The following TMEM63A variants were observed in gnomAD, a reference collection of about 807,000 sequenced individuals.
The protein encoded by TMEM63A is transmembrane protein 63A.
Under a neutral mutation model 100.6 loss-of-function variants are expected in TMEM63A, and 76 were observed. The observed-to-expected ratio is 0.76, with a 90% CI of 0.63 to 0.91. The LOEUF (loss-of-function observed/expected upper bound fraction) is 0.91, where lower values mean the gene tolerates loss of function less well. TMEM63A is among the 40% of genes least tolerant of loss of function. The probability of loss-of-function intolerance (pLI) is 0.00; values close to 1 mark genes in which losing one functional copy is unlikely to be tolerated. For missense variants in TMEM63A, 876 were observed against 1,008.8 expected, an observed-to-expected ratio of 0.87 and a Z score of 1.78; for synonymous variants, 401 against 401.1, an observed-to-expected ratio of 1.00 and a Z score of 0.00.
In TMEM63A at chr1:225,868,030, A is replaced by G; in HGVS notation, c.372T>C (p.His124=). 1 of 1,614,184 alleles carries G rather than the reference A, an allele frequency of 6.2e-7. No homozygotes were observed. The highest frequency in any genetic ancestry group is 8.5e-7 in the Non-Finnish European group (1 of 1,180,006). ...CPWLTAIFRL[H]DDQILEWCGE... ...CACACCATTCCAGGATCTGGTCATC[A>G]CTGGCCAAGACACAGAGGAATCTTA... The change falls in exon 7 of 25, where the codon CAT becomes CAC. Residue 124 remains histidine, a splice_region_variant and synonymous_variant. Coordinates refer to ENST00000366835, the MANE Select transcript of TMEM63A (RefSeq NM_014698.3).
At chr1:225,848,421 T>A in intron 23 of TMEM63A, 71 bp downstream of exon 23, 1 of 1,520,678 alleles carries the variant, frequency 6.6e-7, no homozygotes, top group Non-Finnish European at 9.0e-7. Context: ...CCGGGGCCCA[T>A]CTGGTTGGGA....
chr1:225,860,881 G>A lies in TMEM63A; in HGVS notation c.1202C>T (p.Ala401Val), dbSNP rs919882812. 6.2e-7 allele frequency: 1 copy of A among 1,610,878 alleles called. No homozygotes were observed. Among genetic ancestry groups the A allele is most frequent in the South Asian group, 1.1e-5 (1 of 90,524 alleles). Residue 401 changes from alanine to valine, a missense_variant, in exon 14 of 25, where the codon GCT becomes GTT. This residue lies in a region of TMEM63A where 487 missense variants were observed against 581.9 expected (regional missense o/e 0.84). Transcript: ENST00000366835. ...TTACCAGCAGATGTCCTCAGGGTCAGCAGCAAAGGTGACTGTCCACTTGGA... is the reference window on the plus strand; with the variant it reads ...TTACCAGCAGATGTCCTCAGGGTCAACAGCAAAGGTGACTGTCCACTTGGA... ...YTSKWTVTFA[A>V]DPEDICWKNL...
chr1:225,842,897 G>A (rs1248386121), downstream of TMEM63A, among the ~76,000 whole-genome samples: 1 of 152,196 alleles, frequency 6.6e-6, no homozygotes, highest in African/African-American at 2.4e-5. Flanking sequence ...TAATCTCTCA[G>A]AGCCTTAGAG....
chr1:225,877,398 G>C lies in TMEM63A; in HGVS notation c.183C>G (p.Phe61Leu). The C allele has an allele frequency of 6.2e-7, 1 of 1,611,336 alleles. No individual in the cohort carries two copies. Among genetic ancestry groups the C allele is most frequent in the Non-Finnish European group, 8.5e-7 (1 of 1,177,784 alleles). The stretch of plus-strand genomic sequence containing the variant: ...CACGACTCATGAGGGCTCTCACCAG[G>C]AAGCAGCTGACGTCTATGAGCAGGA... ...PTVLLIDVSCFLFLILVFSII... is the reference protein window; with the variant it reads ...PTVLLIDVSCLLFLILVFSII... Residue 61 changes from phenylalanine to leucine, a missense_variant, in exon 3 of 25, where the codon TTC (phenylalanine) becomes TTG (leucine). By Grantham distance (22) the Phe-to-Leu change is conservative. Transcript: ENST00000366835.
rs557151270 is a variant in TMEM63A, at chr1:225,862,748, T to C, written c.827+23A>G. On this transcript the variant is annotated intron_variant, in intron 11 of 24. Coordinates refer to ENST00000366835, the MANE Select transcript of TMEM63A (RefSeq NM_014698.3). The surrounding 1 kb of genome is among the most constrained non-coding windows in gnomAD (Gnocchi z 5.1). ...GCCAGCAAGGAAGGAGGGGGCATCT[T>C]GCAAGGCCCGCCCACCACTCACTTC... is the stretch of plus-strand genomic sequence containing the variant. 4.3e-6 allele frequency: 7 copies of C among 1,613,842 alleles called. No homozygotes were observed. The African/African-American group carries it at 9.3e-5, about 22-fold the overall frequency.
chr1:225,867,042 C>T lies in TMEM63A; in HGVS notation c.566+70G>A. ...CCCCTTTGGAGTACCTCTGGCCTGC[C>T]CCGGGCTCCTGACCTGCCTTCTCCT... On this transcript the variant is annotated intron_variant, in intron 8 of 24. Transcript: ENST00000366835. This position sits in a 1 kb window ranked among gnomAD's most constrained non-coding sequence, Gnocchi z 4.6. 1 of 1,556,702 alleles carries T rather than the reference C, an allele frequency of 6.4e-7. No homozygotes were observed. Among genetic ancestry groups the T allele is most frequent in the Non-Finnish European group, 8.9e-7 (1 of 1,128,050 alleles).
At chr1:225,856,146 C>T (rs934564039) in intron 17 of TMEM63A, among the ~76,000 whole-genome samples, 2 of 151,978 alleles carry the variant, frequency 1.3e-5, no homozygotes, top group African/African-American at 4.8e-5. Flanking sequence ...CATGATGAGG[C>T]CTTCCCTAAG....
At chr1:225,859,647 C>CGG in intron 14 of TMEM63A, 1 of 335,764 alleles carries the variant, frequency 3.0e-6, no homozygotes. Flanking sequence ...TTTTCTTTTT[C>CGG]TGTTTTTTTT....
chr1:225,853,717 A>G lies in TMEM63A; in HGVS notation c.1709T>C (p.Met570Thr), dbSNP rs146699794. 5.6e-6 allele frequency: 9 copies of G among 1,600,978 alleles called. No homozygotes were observed. The African/African-American group carries it at 8.0e-5, about 14-fold the overall frequency. The change falls in exon 19 of 25, where the codon ATG becomes ACG. Residue 570 changes from methionine to threonine, a missense_variant. Around this residue, in one of 5 missense-constraint regions of TMEM63A, gnomAD observed 339 missense variants for 342.3 expected, o/e 0.99. Coordinates refer to ENST00000366835, the MANE Select transcript of TMEM63A (RefSeq NM_014698.3). The surrounding 1 kb of genome is among the most constrained non-coding windows in gnomAD (Gnocchi z 4.0). The stretch of plus-strand genomic sequence containing the variant: ...GAGACCTGGCAGCCGCAGCAGCTCC[A>G]TGCCATTGCCGATGAAGGCCGAGGC... ...VIASAFIGNG[M>T]ELLRLPGLIL...
chr1:225,857,395 G>GGGGGGGGGGGGGGGGGGGGGGT (rs1669692294), intron 15 of TMEM63A, among the ~76,000 whole-genome samples: 1 of 124,270 alleles, frequency 8.0e-6, no homozygotes, highest in African/African-American at 3.7e-5. Context: ...GGGGGGGGGG[G>GGGGGGGGGGGGGGGGGGGGGGT]GGTGCCCTGC....
chr1:225,871,817 C>T (rs1670520294), intron 5 of TMEM63A, 170 bp downstream of exon 5: 2 of 592,618 alleles, frequency 3.4e-6, no homozygotes, highest in African/African-American at 1.9e-5. Context: ...CCCGGGTCAT[C>T]CAGCTGCCAT....
chr1:225,866,606 T>C lies in TMEM63A; in HGVS notation c.643A>G (p.Thr215Ala), dbSNP rs761380197. The part of the protein sequence containing the change: ...FLTVGFMRHH[T>A]QSIKYKEENL... ...TCCTCTTTGTACTTAATGGACTGAGTGTGGTGCCGCATGAAACCCACAGTG... is the reference window on the plus strand; with the variant it reads ...TCCTCTTTGTACTTAATGGACTGAGCGTGGTGCCGCATGAAACCCACAGTG... Residue 215 changes from threonine to alanine, a missense_variant, in exon 9 of 25, where the codon ACT becomes GCT. By Grantham distance (58) the Thr-to-Ala change is moderately conservative. Coordinates refer to ENST00000366835, the MANE Select transcript of TMEM63A (RefSeq NM_014698.3). 17 of 1,613,850 alleles carry C rather than the reference T, an allele frequency of 1.1e-5. No individual in the cohort carries two copies. In the South Asian group the frequency reaches 1.8e-4, roughly 17 times the overall value.
At chr1:225,850,238 A>G (rs565305563) in intron 20 of TMEM63A, among the ~76,000 whole-genome samples, 159 bp from the exon 21 acceptor site, 46 of 152,238 alleles carry the variant, frequency 3.0e-4, no homozygotes, top group Non-Finnish European at 5.4e-4. Flanking sequence ...TCTGGCTACT[A>G]GTTTTTTTTC....
Position 225,846,984 on chromosome 1 carries a change from G to A in TMEM63A, c.*6+50C>T, listed in dbSNP as rs552430343. Reference sequence around the variant, plus strand: ...ACTTGGGAGTCAGGCCGCTTCACCTGTCTTCTCACCCCACAGGCTCCCCTG... The same window carrying A: ...ACTTGGGAGTCAGGCCGCTTCACCTATCTTCTCACCCCACAGGCTCCCCTG... On this transcript the variant is annotated intron_variant, in intron 24 of 24. Coordinates refer to ENST00000366835, the MANE Select transcript of TMEM63A (RefSeq NM_014698.3). 3.9e-5 allele frequency: 60 copies of A among 1,545,090 alleles called. 1 individual carries two copies. In the Admixed American group the frequency reaches 1.2e-3, roughly 31 times the overall value.
intron 3 of TMEM63A, 28 bp from the exon 4 acceptor site, chr1:225,874,395 A>C: frequency 1.3e-6 from 2 of 1,598,908 alleles, no homozygotes; most frequent in Non-Finnish European, 1.7e-6. Flanking sequence ...ACCAAGTAAA[A>C]GCATATTGGA....
At chr1:225,861,486 G>C (rs563762720) in intron 13 of TMEM63A, 26 of 153,002 alleles carry the variant, frequency 1.7e-4, no homozygotes, top group Non-Finnish European at 2.8e-4. Context: ...TTAACCTCCC[G>C]TAAGGAGCCC....
chr1:225,874,565 C>T (rs1490535228), intron 3 of TMEM63A, among the ~76,000 whole-genome samples, 198 bp from the exon 4 acceptor site: 1 of 152,244 alleles, frequency 6.6e-6, no homozygotes, highest in Non-Finnish European at 1.5e-5. Flanking sequence ...CTTCACCAGG[C>T]TCCTGTCACC....
At chr1:225,855,122 C>T (rs1421364776) in intron 18 of TMEM63A, among the ~76,000 whole-genome samples, 4 of 152,152 alleles carry the variant, frequency 2.6e-5, no homozygotes, top group African/African-American at 9.7e-5. Flanking sequence ...AATAACTCGC[C>T]CCATCCTTAC....
chr1:225,857,173 T>C (rs979059390), intron 15 of TMEM63A, among the ~76,000 whole-genome samples, 156 bp from the exon 16 acceptor site: 9 of 152,198 alleles, frequency 5.9e-5, no homozygotes, highest in African/African-American at 2.2e-4. Context: ...ACAGAGTTGG[T>C]AGTCCATAAA....
Sources: gnomAD v4.1 joint callset for allele counts (sites outside exome capture counted in the v4.1 genomes callset) on GRCh38, gnomAD v4.1.1 for gene constraint, gnomAD v4.1.1 regional missense constraint, Gnocchi (gnomAD v3.1) non-coding constraint, MANE v1.5 for transcripts, NCBI Gene and HGNC (gene_info 2026-07-23, HGNC 2026-07-21) for gene names.